Variants in ZNF547 observed in about 807,000 individuals in gnomAD.
ZNF547 encodes the protein zinc finger protein 547.
In ZNF547, 4 loss-of-function variants were observed where a neutral mutation model predicts 7.7. The observed-to-expected ratio is 0.52, with a 90% confidence interval of 0.26 to 1.20. The LOEUF (loss-of-function observed/expected upper bound fraction) is 1.20, where lower values mean the gene tolerates loss of function less well. Ranked by LOEUF, ZNF547 falls within the 50% of genes most tolerant of loss-of-function variation. ZNF547 has a pLI of 0.14. For missense variants in ZNF547, 449 were observed against 485.8 expected (o/e 0.92, Z 0.71); for synonymous variants, 166 against 166.2 (o/e 1.00, Z 0.01).
chr19:57,377,824 T>G lies in ZNF547; in HGVS notation c.848T>G (p.Leu283Arg). Reference sequence around the variant, plus strand: ...AAGTTCTTTAAGTGCAACTCAAACCTCTTTAGGCATTACAGAATTCATACA... The same window carrying G: ...AAGTTCTTTAAGTGCAACTCAAACCGCTTTAGGCATTACAGAATTCATACA... The part of the protein sequence containing the change: ...CGKFFKCNSN[L>R]FRHYRIHTGK... The change falls in exon 4 of 4, where the codon CTC becomes CGC. Residue 283 changes from leucine to arginine, a missense_variant. Coordinates refer to ENST00000282282, the MANE Select transcript of ZNF547 (RefSeq NM_173631.4). 2.5e-6 allele frequency: 4 copies of G among 1,614,172 alleles called. No homozygotes were observed. The highest frequency in any genetic ancestry group is 3.4e-6 in the Non-Finnish European group (4 of 1,180,032).
intron 1 of ZNF547, chr19:57,368,343 G>A: frequency 1.7e-6 from 1 of 580,668 alleles, no homozygotes; most frequent in South Asian, 2.2e-5. Context: ...ACAGATGAGA[G>A]CACTGAAGCT....
chr19:57,365,154 A>G (rs2088457257), intron 1 of ZNF547: 1 of 1,596,980 alleles, frequency 6.3e-7, no homozygotes, highest in African/African-American at 1.3e-5. Flanking sequence ...ATTTATATAT[A>G]AAATTTTCAA....
chr19:57,376,378 G>A (rs2088536483), intron 3 of ZNF547, among the ~76,000 whole-genome samples: 1 of 152,110 alleles, frequency 6.6e-6, no homozygotes, highest in African/African-American at 2.4e-5. Context: ...GCTTATTCTT[G>A]CAGCCCAATA....
chr19:57,363,774 G>C (rs1393471997), intron 1 of ZNF547, 71 bp downstream of exon 1: 1 of 146,268 alleles, frequency 6.8e-6, no homozygotes, highest in Admixed American at 6.8e-5. Flanking sequence ...GCCCATAGAA[G>C]GGGCCCTGCA....
chr19:57,369,899 CTTTTTTTTTTTT>C (rs61547238), intron 2 of ZNF547, among the ~76,000 whole-genome samples: 2 of 51,678 alleles, frequency 3.9e-5, no homozygotes, highest in African/African-American at 1.6e-4. Context: ...ACTCACAGTT[CTTTTTTTTTTTT>C]TTTTTTTTTT....
rs747777263 is a variant in ZNF547 at position 57,371,948 on chromosome 19, G to A, written c.151+40G>A. 3 of 1,531,004 alleles carry A rather than the reference G, an allele frequency of 2.0e-6. No individual in the cohort carries two copies. In the Admixed American group the frequency reaches 6.3e-5, roughly 32 times the overall value. 94.8% of individuals were successfully genotyped at this position (1,531,004 alleles called of 1,614,324 possible). A position where few individuals can be genotyped will look rare whatever the true frequency, so the allele number is the denominator to read the frequency against. Reference sequence around the variant, plus strand: ...CTTGCCCAGTGTCCTGGGTTGGGCTGTGTTGTCTCCTTTTACCTGAAGGCA... The same window carrying A: ...CTTGCCCAGTGTCCTGGGTTGGGCTATGTTGTCTCCTTTTACCTGAAGGCA... On this transcript the variant is annotated intron_variant, in intron 3 of 3. Transcript: ENST00000282282.
chr19:57,366,116 G>A (rs2088467773), intron 1 of ZNF547, among the ~76,000 whole-genome samples: 1 of 151,798 alleles, frequency 6.6e-6, no homozygotes, highest in Non-Finnish European at 1.5e-5. Context: ...GCTCGCCTCG[G>A]CCTCCCAAAG....
At chr19:57,368,484 A>C (rs895335223) in intron 1 of ZNF547, 60 bp from the exon 2 acceptor site, 1 of 1,535,868 alleles carries the variant, frequency 6.5e-7, no homozygotes. Flanking sequence ...TGGTGGTCCA[A>C]CTCTGCCTGT....
chr19:57,374,517 C>G (rs570250592), intron 3 of ZNF547, among the ~76,000 whole-genome samples: 1 of 152,262 alleles, frequency 6.6e-6, no homozygotes, highest in Non-Finnish European at 1.5e-5. Flanking sequence ...ACATTCCACT[C>G]CTCGTTACTT....
intron 1 of ZNF547, chr19:57,365,441 C>G: frequency 1.8e-6 from 1 of 551,662 alleles, no homozygotes; most frequent in African/African-American, 1.9e-5. Context: ...ATCAGTAGAT[C>G]AATTAGTATT....
intron 2 of ZNF547, among the ~76,000 whole-genome samples, chr19:57,368,883 T>G (rs1165623770): frequency 2.6e-5 from 4 of 152,198 alleles, no homozygotes; most frequent in Non-Finnish European, 5.9e-5. Context: ...TTAAGAATGT[T>G]TCAGTGTTTA....
intron 1 of ZNF547, among the ~76,000 whole-genome samples, chr19:57,367,328 A>G (rs1007149640): frequency 6.6e-6 from 1 of 152,114 alleles, no homozygotes; most frequent in African/African-American, 2.4e-5. Flanking sequence ...CATTCTGAAT[A>G]ACTTTTCAGC....
Position 57,377,546 on chromosome 19 carries a change from G to T in ZNF547, c.570G>T (p.Gly190=). 1 of 1,614,194 alleles carries T rather than the reference G, an allele frequency of 6.2e-7. No individual in the cohort carries two copies. Among genetic ancestry groups the T allele is most frequent in the South Asian group, 1.1e-5 (1 of 91,078 alleles). The change falls in exon 4 of 4, where the codon GGG becomes GGT. Residue 190 remains glycine (G), a synonymous_variant. Coordinates refer to ENST00000282282, the MANE Select transcript of ZNF547 (RefSeq NM_173631.4). Reference sequence around the variant, plus strand: ...GAACTTATAAGTGCAGCAAATGTGGGATATTGTTTATGGAAAGGTCCACAC... The same window carrying T: ...GAACTTATAAGTGCAGCAAATGTGGTATATTGTTTATGGAAAGGTCCACAC... ...GERTYKCSKC[G]ILFMERSTLN...
chr19:57,376,727 T>TA (rs1247729065), intron 3 of ZNF547, among the ~76,000 whole-genome samples: 1 of 152,136 alleles, frequency 6.6e-6, no homozygotes, highest in African/African-American at 2.4e-5. Flanking sequence ...CCAATAAACT[T>TA]ATTCGTGGAG....
chr19:57,376,410 G>A (rs979136472), intron 3 of ZNF547, among the ~76,000 whole-genome samples: 1 of 152,162 alleles, frequency 6.6e-6, no homozygotes, highest in African/African-American at 2.4e-5. Flanking sequence ...ATGAACTGGG[G>A]AAAAAGAGAG....
In ZNF547 at chr19:57,371,800, G is replaced by C; in HGVS notation, c.43G>C (p.Asp15His). Residue 15 changes from aspartate to histidine, a missense_variant, in exon 3 of 4, where the codon GAC becomes CAC. Coordinates refer to ENST00000282282, the MANE Select transcript of ZNF547 (RefSeq NM_173631.4). ...NPAQGHVVFE[D>H]VAIYFSQEEW... The stretch of plus-strand genomic sequence containing the variant: ...TTGGCAGGGTCATGTGGTTTTTGAA[G>C]ACGTGGCCATATATTTCTCCCAGGA... The C allele has an allele frequency of 6.2e-7, 1 of 1,612,802 alleles. No homozygotes were observed. The highest frequency in any genetic ancestry group is 1.3e-5 in the African/African-American group (1 of 74,902).
rs1446790109 is a variant in ZNF547, at chr19:57,377,247, A to C, written c.271A>C (p.Thr91Pro). The change falls in exon 4 of 4, where the codon ACA becomes CCA. Residue 91 changes from threonine (T) to proline (P), a missense_variant. Coordinates refer to ENST00000282282, the MANE Select transcript of ZNF547 (RefSeq NM_173631.4). ...LSTQNTQPCE[T>P]CSSLLKDILR... Reference sequence around the variant, plus strand: ...TACCCAGAATACCCAGCCCTGTGAGACATGTAGCTCACTTCTGAAGGACAT... The same window carrying C: ...TACCCAGAATACCCAGCCCTGTGAGCCATGTAGCTCACTTCTGAAGGACAT... 5.0e-6 allele frequency: 8 copies of C among 1,614,236 alleles called. No individual in the cohort carries two copies. The highest frequency in any genetic ancestry group is 1.1e-5 in the South Asian group (1 of 91,092).
At chr19:57,368,319 C>T in intron 1 of ZNF547, 1 of 532,516 alleles carries the variant, frequency 1.9e-6, no homozygotes, top group South Asian at 2.7e-5. Flanking sequence ...GGGAGCCATT[C>T]TTACAACCTA....
intron 1 of ZNF547, chr19:57,364,558 T>G: frequency 1.0e-5 from 5 of 480,510 alleles, no homozygotes; most frequent in South Asian, 8.6e-5. Context: ...CTGACCAACA[T>G]GGTGAAACCC....
Sources: allele counts gnomAD v4.1 joint callset (sites outside exome capture counted in the v4.1 genomes callset), GRCh38; gene constraint gnomAD v4.1.1; transcripts MANE v1.5; gene names NCBI Gene and HGNC (gene_info 2026-07-23, HGNC 2026-07-21).